The following ING1 variants were observed in gnomAD, a reference collection of about 807,000 sequenced individuals.
ING1 encodes the protein inhibitor of growth protein 1.
A neutral mutation model predicts 23.1 loss-of-function variants in ING1; 4 were observed. The ratio of observed to expected loss-of-function variants is 0.17; its 90% CI spans 0.09 to 0.40. ING1 has a LOEUF of 0.40. Among genes scored for constraint, ING1 ranks in the 10% least tolerant of loss-of-function variants. The pLI, the probability that ING1 is intolerant of heterozygous loss-of-function variation, is 1.00. For missense variants in ING1, 256 were observed against 393.8 expected, an observed-to-expected ratio of 0.65 and a Z score of 2.96; for synonymous variants, 179 against 166.4, an observed-to-expected ratio of 1.08 and a Z score of -0.58.
intron 1 of ING1, among the ~76,000 whole-genome samples, chr13:110,718,849 T>C (rs1489946401): frequency 6.6e-6 from 1 of 152,216 alleles, no homozygotes; most frequent in African/African-American, 2.4e-5. Context: ...AGTATAGACA[T>C]AGTCATTAAT....
chr13:110,716,085 G>A, intron 1 of ING1: 1 of 1,424,564 alleles, frequency 7.0e-7, no homozygotes, highest in Non-Finnish European at 9.2e-7. Flanking sequence ...CCTCGGGCCG[G>A]ACGGGCCCCG....
intron 1 of ING1, chr13:110,715,910 G>T: frequency 6.3e-7 from 1 of 1,578,712 alleles, no homozygotes. Flanking sequence ...CGGGGCTGCA[G>T]TTCGGACCGC....
At position 110,715,815 on chromosome 13, in the gene ING1, C is replaced by G. The variant is rs764762395; in HGVS notation, c.136+1530C>G. On this transcript the variant is annotated intron_variant, in intron 1 of 1. Coordinates refer to ENST00000333219, the MANE Select transcript of ING1 (RefSeq NM_198219.3). Reference sequence around the variant, plus strand: ...GGCTGGAGGCCTGGCGGGTGTCGCCCCGGCCCCTCTCCCCGCTCAGCCCGG... The same window carrying G: ...GGCTGGAGGCCTGGCGGGTGTCGCCGCGGCCCCTCTCCCCGCTCAGCCCGG... 14 of 1,585,494 alleles carry G rather than the reference C, an allele frequency of 8.8e-6. No homozygotes were observed. The South Asian group carries it at 1.3e-4, about 15-fold the overall frequency.
chr13:110,714,206 C>T lies in ING1; in HGVS notation c.57C>T (p.Tyr19=), dbSNP rs765705902. 8 of 1,569,768 alleles carry T rather than the reference C, an allele frequency of 5.1e-6. No homozygotes were observed. In the South Asian group the frequency reaches 5.8e-5, roughly 11 times the overall value. ...QLHLVNYVED[Y]LDSIESLPFD... ...ACCTGGTGAACTATGTGGAGGACTA[C>T]CTGGACTCCATCGAGTCCCTGCCTT... The change falls in exon 1 of 2, where the codon TAC becomes TAT. Residue 19 remains tyrosine (Y), a synonymous_variant. Transcript: ENST00000333219.
intron 1 of ING1, chr13:110,714,853 C>T (rs1046388100): frequency 1.1e-5 from 5 of 457,508 alleles, no homozygotes; most frequent in Non-Finnish European, 1.4e-5. Context: ...CCGCCCAGCC[C>T]CCTCCGGCCC....
chr13:110,712,958 G>C, upstream of ING1: 1 of 1,560,422 alleles, frequency 6.4e-7, no homozygotes, highest in Non-Finnish European at 8.7e-7. Context: ...GCTGGGAGTG[G>C]TGGTCCGGCC....
rs746330040 is a variant in ING1 at position 110,715,579 on chromosome 13, G to C, written c.136+1294G>C. ...TCTTTTTTCTTTTTCGGGGAGGAGC[G>C]GGGTGGAGGGTGGACGAGTTGATTT... On this transcript the variant is annotated intron_variant, in intron 1 of 1. Transcript: ENST00000333219. 4.3e-6 allele frequency: 7 copies of C among 1,613,984 alleles called. No individual in the cohort carries two copies. The South Asian group carries it at 5.5e-5, about 13-fold the overall frequency.
rs574430822 is a variant in ING1, at chr13:110,721,958, A to G, written c.*2026A>G. On this transcript the variant is annotated 3_prime_UTR_variant, in exon 2 of 2. Coordinates refer to ENST00000333219, the MANE Select transcript of ING1 (RefSeq NM_198219.3). The stretch of plus-strand genomic sequence containing the variant: ...CACAGTCTCTGTGAAGCTACCTACC[A>G]CAAAGAAGTAGTGAGTGATGACTTT... 6.6e-6 allele frequency: 1 copy of G among 152,306 alleles called. No homozygotes were observed. The highest frequency in any genetic ancestry group is 6.5e-5 in the Admixed American group (1 of 15,304). The allele number at this position is 152,306 out of a possible 1,614,324, so 9.4% of individuals were successfully genotyped here.
rs533552769 is a variant in ING1 at position 110,715,828 on chromosome 13, C to G, written c.136+1543C>G. On this transcript the variant is annotated intron_variant, in intron 1 of 1. Coordinates refer to ENST00000333219, the MANE Select transcript of ING1 (RefSeq NM_198219.3). ...GCGGGTGTCGCCCCGGCCCCTCTCC[C>G]CGCTCAGCCCGGCCACTTTCGGGCG... The G allele has an allele frequency of 1.4e-5, 23 of 1,587,836 alleles. No individual in the cohort carries two copies. The South Asian group carries it at 2.0e-4, about 14-fold the overall frequency.
chr13:110,713,226 G>A (rs1202230569), upstream of ING1: 4 of 1,415,694 alleles, frequency 2.8e-6, no homozygotes, highest in African/African-American at 5.8e-5. Context: ...TCTGTTTCGG[G>A]CCCTACTTAT....
upstream of ING1, chr13:110,713,610 G>A (rs1020967538): frequency 1.0e-6 from 1 of 985,668 alleles, no homozygotes; most frequent in Non-Finnish European, 1.2e-6. Context: ...ATGCGGCGGG[G>A]GGCGGGGCCG....
intron 1 of ING1, chr13:110,715,679 C>T (rs867746036): frequency 1.2e-6 from 2 of 1,605,398 alleles, no homozygotes; most frequent in Non-Finnish European, 1.7e-6. Flanking sequence ...TGCTCTTCCG[C>T]CCTGCGGTGT....
rs1264865188 is a variant in ING1, at chr13:110,719,695, C to T, written c.603C>T (p.Ala201=). The change falls in exon 2 of 2, where the codon GCC becomes GCT. Residue 201 remains alanine, a synonymous_variant. Transcript: ENST00000333219. This position sits in a 1 kb window ranked among gnomAD's most constrained non-coding sequence, Gnocchi z 8.9. ...AGGCGGAGCGAGAGGCGTCCCCTGC[C>T]GACCTCCCCATCGACCCCAACGAAC... ...KAKAEREASP[A]DLPIDPNEPT... The T allele has an allele frequency of 2.5e-6, 4 of 1,613,802 alleles. No homozygotes were observed. Among genetic ancestry groups the T allele is most frequent in the Middle Eastern group, 1.6e-4 (1 of 6,084 alleles).
At position 110,719,015 on chromosome 13, in the gene ING1, G is replaced by T. The variant is rs1340086831; in HGVS notation, c.137-214G>T. 1.0e-5 allele frequency among the ~76,000 whole-genome samples: 1 copy of T among 96,028 alleles called. No individual in the cohort carries two copies. The highest frequency in any genetic ancestry group is 2.0e-5 in the Non-Finnish European group (1 of 48,838). The allele number at this position is 96,028 out of a possible 152,430, so 63.0% of individuals were successfully genotyped here. Reference sequence around the variant, plus strand: ...CTCCTGCCGCTGTGGAAGCTGGGCCGGCATTTGTGTTGTGTTGTGTTGTGT... The same window carrying T: ...CTCCTGCCGCTGTGGAAGCTGGGCCTGCATTTGTGTTGTGTTGTGTTGTGT... On this transcript the variant is annotated intron_variant, in intron 1 of 1. Coordinates refer to ENST00000333219, the MANE Select transcript of ING1 (RefSeq NM_198219.3). This position sits in a 1 kb window ranked among gnomAD's most constrained non-coding sequence, Gnocchi z 8.9.
At chr13:110,712,674 C>T, upstream of ING1, 2 of 653,028 alleles carry the variant, frequency 3.1e-6, no homozygotes, top group Admixed American at 2.1e-5. Flanking sequence ...TGAATGGCCT[C>T]AGGACGCCGG....
intron 1 of ING1, chr13:110,716,009 G>A: frequency 1.3e-6 from 2 of 1,501,940 alleles, no homozygotes; most frequent in Non-Finnish European, 1.8e-6. Flanking sequence ...CCGTGGAAAC[G>A]TGAGTGACTG....
chr13:110,714,003 A>T lies in ING1; in HGVS notation c.-147A>T. The T allele has an allele frequency of 8.7e-7, 1 of 1,155,502 alleles. No homozygotes were observed. The highest frequency in any genetic ancestry group is 4.2e-5 in the East Asian group (1 of 23,992). 71.6% of individuals were successfully genotyped at this position (1,155,502 alleles called of 1,614,324 possible). On this transcript the variant is annotated 5_prime_UTR_variant, in exon 1 of 2. It removes an upstream start codon present in the reference 5' UTR. Coordinates refer to ENST00000333219, the MANE Select transcript of ING1 (RefSeq NM_198219.3). ...CGGAGGCGGCGGACGGGCTCGGCAG[A>T]TGTAGCCGCCGGGCCGAAGCAGGAG...
At chr13:110,713,012 A>T (rs779437095), upstream of ING1, 1 of 1,528,108 alleles carries the variant, frequency 6.5e-7, no homozygotes, top group South Asian at 1.2e-5. Context: ...CCGCAGCTCA[A>T]AGGACACCGA....
chr13:110,715,400 A>G (rs1439167000), intron 1 of ING1: 2 of 1,527,432 alleles, frequency 1.3e-6, no homozygotes, highest in South Asian at 1.3e-5. Flanking sequence ...CTTCATTAGC[A>G]TATTATGGAA....
Sources: gnomAD v4.1 joint callset for allele counts (sites outside exome capture counted in the v4.1 genomes callset) on GRCh38, gnomAD v4.1.1 for gene constraint, Gnocchi (gnomAD v3.1) non-coding constraint, MANE v1.5 for transcripts, NCBI Gene and HGNC (gene_info 2026-07-23, HGNC 2026-07-21) for gene names.